SPAG16: variants seen among roughly 807,000 people sequenced by gnomAD.
SPAG16 encodes the protein sperm associated antigen 16, also known as sperm-associated antigen 16 protein.
A neutral mutation model predicts 80.4 loss-of-function variants in SPAG16; 86 were observed. The ratio of observed to expected loss-of-function variants is 1.07; its 90% CI spans 0.90 to 1.28. The LOEUF is 1.28. SPAG16 is among the 50% of genes most tolerant of loss of function. The probability of loss-of-function intolerance (pLI) is 0.00; values close to 1 mark genes in which losing one functional copy is unlikely to be tolerated. For synonymous variants in SPAG16, 294 were observed against 265.9 expected (o/e 1.11, Z -1.03); for missense variants, 870 against 765.3 (o/e 1.14, Z -1.61).
intron 11 of SPAG16, among the ~76,000 whole-genome samples, chr2:213,898,372 C>T (rs547098518): frequency 6.6e-6 from 1 of 152,246 alleles, no homozygotes; most frequent in East Asian, 1.9e-4. Context: ...AAACTAAATG[C>T]TTACCTGAGG....
intron 15 of SPAG16, among the ~76,000 whole-genome samples, chr2:214,266,000 G>C (rs1184583603): frequency 6.6e-6 from 1 of 151,754 alleles, no homozygotes; most frequent in East Asian, 1.9e-4. Context: ...TCCTACGTGA[G>C]CTGAGACTCA....
At chr2:213,677,796 C>G (rs183707345) in intron 10 of SPAG16, among the ~76,000 whole-genome samples, 2 of 152,272 alleles carry the variant, frequency 1.3e-5, no homozygotes, top group African/African-American at 4.8e-5. Flanking sequence ...AGTCTCCACC[C>G]CAAATCAACA....
intron 15 of SPAG16, among the ~76,000 whole-genome samples, chr2:214,268,593 C>T (rs1240069143): frequency 6.6e-6 from 1 of 151,812 alleles, no homozygotes; most frequent in African/African-American, 2.4e-5. Context: ...TCCAAAAACT[C>T]AATATTTTAT....
At chr2:214,150,229 G>C (rs1292089558) in intron 15 of SPAG16, among the ~76,000 whole-genome samples, 1 of 152,002 alleles carries the variant, frequency 6.6e-6, no homozygotes, top group African/African-American at 2.4e-5. Context: ...GAAGATAATT[G>C]TGTGTTTCTT....
chr2:213,817,868 T>C (rs1371961181), intron 10 of SPAG16, among the ~76,000 whole-genome samples: 1 of 152,142 alleles, frequency 6.6e-6, no homozygotes, highest in African/African-American at 2.4e-5. Context: ...GGGTACTATA[T>C]AGGCTGACTA....
At chr2:213,407,667 A>T (rs28475376) in intron 9 of SPAG16, among the ~76,000 whole-genome samples, 6 of 142,426 alleles carry the variant, frequency 4.2e-5, no homozygotes, top group African/African-American at 1.6e-4. Flanking sequence ...AGAGAGGGGG[A>T]GAGAGACAGA....
At chr2:213,924,868 C>T (rs1428569513) in intron 11 of SPAG16, among the ~76,000 whole-genome samples, 1 of 151,948 alleles carries the variant, frequency 6.6e-6, no homozygotes, top group Non-Finnish European at 1.5e-5. Flanking sequence ...TTTTAAAATT[C>T]ATTTTCTATT....
chr2:214,050,148 T>A (rs1343245793), intron 13 of SPAG16, among the ~76,000 whole-genome samples: 3 of 152,070 alleles, frequency 2.0e-5, no homozygotes, highest in Non-Finnish European at 4.4e-5. Flanking sequence ...TGAAGCCATA[T>A]GGAAAAAACT....
chr2:214,339,595 C>T (rs960217573), intron 15 of SPAG16, among the ~76,000 whole-genome samples: 1 of 152,178 alleles, frequency 6.6e-6, no homozygotes, highest in Non-Finnish European at 1.5e-5. Context: ...ACAAAGCTTT[C>T]TGCTCAGCTT....
chr2:214,174,378 A>G (rs983841529), intron 15 of SPAG16, among the ~76,000 whole-genome samples: 3 of 152,030 alleles, frequency 2.0e-5, no homozygotes. Context: ...CAACTTCAAC[A>G]AAGTCTCAGG....
At chr2:213,994,033 G>T (rs938760834) in intron 12 of SPAG16, among the ~76,000 whole-genome samples, 1 of 152,146 alleles carries the variant, frequency 6.6e-6, no homozygotes, top group Non-Finnish European at 1.5e-5. Flanking sequence ...CTAACAGATC[G>T]ATTTGTGATA....
chr2:213,511,705 C>A (rs1390031225), intron 10 of SPAG16, among the ~76,000 whole-genome samples: 5 of 151,934 alleles, frequency 3.3e-5, no homozygotes, highest in Non-Finnish European at 5.9e-5. Flanking sequence ...AAATGTTCTA[C>A]TATCAAACTT....
intron 10 of SPAG16, among the ~76,000 whole-genome samples, chr2:213,779,159 G>T (rs1273013738): frequency 6.6e-6 from 1 of 151,964 alleles, no homozygotes; most frequent in Non-Finnish European, 1.5e-5. Context: ...TGAGAATATT[G>T]CTACTCCATA....
intron 15 of SPAG16, among the ~76,000 whole-genome samples, chr2:214,292,932 T>A (rs1693901470): frequency 6.6e-6 from 1 of 152,236 alleles, no homozygotes; most frequent in South Asian, 2.1e-4. Flanking sequence ...GTGGTATCTT[T>A]GAATTCCTCG....
At chr2:213,611,028 A>G (rs1193075175) in intron 10 of SPAG16, among the ~76,000 whole-genome samples, 7 of 152,174 alleles carry the variant, frequency 4.6e-5, no homozygotes, top group Non-Finnish European at 8.8e-5. Flanking sequence ...GCAGCCCAGC[A>G]AGTCCCAGCC....
At chr2:214,405,915 AG>A (rs1220579541) in intron 15 of SPAG16, among the ~76,000 whole-genome samples, 1 of 152,248 alleles carries the variant, frequency 6.6e-6, no homozygotes, top group Non-Finnish European at 1.5e-5. Flanking sequence ...GATGTAAAAA[AG>A]AAAGCTCTAG....
chr2:213,632,769 CATTG>C (rs1396425039), intron 10 of SPAG16, among the ~76,000 whole-genome samples: 1 of 152,094 alleles, frequency 6.6e-6, no homozygotes, highest in East Asian at 1.9e-4. Flanking sequence ...TGATGTATTA[CATTG>C]ATTGATTGGC....
chr2:213,683,643 C>A (rs2064507796), intron 10 of SPAG16, among the ~76,000 whole-genome samples: 1 of 151,870 alleles, frequency 6.6e-6, no homozygotes, highest in Admixed American at 6.6e-5. Context: ...GAAATACATT[C>A]TGTTCTTATA....
chr2:214,012,288 A>ATATTTTT (rs1553694500), intron 12 of SPAG16, among the ~76,000 whole-genome samples: 8 of 46,806 alleles, frequency 1.7e-4, no homozygotes, highest in African/African-American at 7.4e-4. Context: ...ATATATATAT[A>ATATTTTT]TTTTTTTTTT....
Sources: allele counts gnomAD v4.1 joint callset (sites outside exome capture counted in the v4.1 genomes callset), GRCh38; gene constraint gnomAD v4.1.1; transcripts MANE v1.5; gene names NCBI Gene and HGNC (gene_info 2026-07-23, HGNC 2026-07-21).